The following BLTP3A variants were observed in gnomAD, a reference collection of about 807,000 sequenced individuals.
The protein encoded by BLTP3A is ICBP90 binding protein 1.
At chr6:34,823,381 T>C in the BLTP3A span, 12 of 1,552,832 alleles carry the variant, frequency 7.7e-6, no homozygotes, top group Non-Finnish European at 1.1e-5. Context: ...ATTTCCAACA[T>C]ATTAATTGCT....
the BLTP3A span, chr6:34,859,411 T>G: frequency 6.2e-7 from 1 of 1,614,130 alleles, no homozygotes; most frequent in African/African-American, 1.3e-5. Flanking sequence ...GGGAGAATTG[T>G]CAAGTGCTAT....
At chr6:34,859,681 G>A in the BLTP3A span, 1 of 1,486,010 alleles carries the variant, frequency 6.7e-7, no homozygotes, top group Non-Finnish European at 9.0e-7. Flanking sequence ...GTACCATATA[G>A]TCCAGGAGAA....
the BLTP3A span, among the ~76,000 whole-genome samples, chr6:34,829,027 CAAAAAAAAAAAA>C: frequency 2.2e-3 from 110 of 50,732 alleles, 2 homozygotes; most frequent in African/African-American, 9.7e-3. Context: ...AACTCCATCT[CAAAAAAAAAAAA>C]AAAAAAAAAA....
the BLTP3A span, among the ~76,000 whole-genome samples, chr6:34,817,697 A>G: frequency 1.3e-5 from 2 of 152,150 alleles, no homozygotes; most frequent in African/African-American, 4.8e-5. Flanking sequence ...CATTGCTTTT[A>G]TAGTAAATGG....
the BLTP3A span, among the ~76,000 whole-genome samples, chr6:34,847,265 G>A: frequency 1.3e-5 from 2 of 151,812 alleles, no homozygotes; most frequent in Non-Finnish European, 2.9e-5. Context: ...TTTCATGTAG[G>A]AAGTTTTCTT....
chr6:34,870,984 A>G, the BLTP3A span: 2 of 1,614,038 alleles, frequency 1.2e-6, no homozygotes, highest in Admixed American at 3.3e-5. Context: ...TCCTACATTT[A>G]TTGCTTCATG....
At chr6:34,858,381 C>T in the BLTP3A span, 9 of 1,614,094 alleles carry the variant, frequency 5.6e-6, no homozygotes, top group South Asian at 2.2e-5. Flanking sequence ...TGGATTCCTG[C>T]CTGCCTCAGC....
the BLTP3A span, among the ~76,000 whole-genome samples, chr6:34,792,737 C>G: frequency 9.2e-5 from 14 of 152,328 alleles, no homozygotes; most frequent in African/African-American, 3.1e-4. Context: ...GCCCCTGCCC[C>G]TTCCTTTGGG....
At chr6:34,822,893 G>A in the BLTP3A span, among the ~76,000 whole-genome samples, 1 of 151,764 alleles carries the variant, frequency 6.6e-6, no homozygotes, top group African/African-American at 2.4e-5. Context: ...ACTGTTGGAT[G>A]ATTATCGGTT....
chr6:34,869,200 C>T, the BLTP3A span, among the ~76,000 whole-genome samples: 1 of 152,042 alleles, frequency 6.6e-6, no homozygotes, highest in East Asian at 1.9e-4. Flanking sequence ...TGGGGTTTCA[C>T]CATGTTGACC....
At chr6:34,855,474 A>G in the BLTP3A span, 1 of 847,516 alleles carries the variant, frequency 1.2e-6, no homozygotes, top group Non-Finnish European at 1.8e-6. Context: ...CTTGCAAATC[A>G]CCTCACATCC....
At chr6:34,821,856 G>A in the BLTP3A span, 1 of 1,614,152 alleles carries the variant, frequency 6.2e-7, no homozygotes, top group Admixed American at 1.7e-5. Context: ...TCTTTGGCCA[G>A]TAGGCCTGCT....
At chr6:34,807,114 C>A in the BLTP3A span, among the ~76,000 whole-genome samples, 1 of 152,116 alleles carries the variant, frequency 6.6e-6, no homozygotes, top group African/African-American at 2.4e-5. Flanking sequence ...TAGAGTTTAT[C>A]AATTATTGTC....
the BLTP3A span, among the ~76,000 whole-genome samples, chr6:34,813,334 G>T: frequency 6.6e-6 from 1 of 152,132 alleles, no homozygotes; most frequent in African/African-American, 2.4e-5. Context: ...TGTAGATTTG[G>T]ACTAAACAAT....
At chr6:34,820,524 A>T in the BLTP3A span, among the ~76,000 whole-genome samples, 12 of 151,130 alleles carry the variant, frequency 7.9e-5, no homozygotes, top group East Asian at 2.3e-3. Context: ...GCTTCCCTCC[A>T]CTTTATTCTG....
At chr6:34,799,872 A>G in the BLTP3A span, among the ~76,000 whole-genome samples, 1 of 152,224 alleles carries the variant, frequency 6.6e-6, no homozygotes, top group Non-Finnish European at 1.5e-5. Flanking sequence ...GAGTAGCTCA[A>G]GAGAGACGAC....
the BLTP3A span, among the ~76,000 whole-genome samples, chr6:34,853,874 A>G: frequency 1.3e-5 from 2 of 152,036 alleles, no homozygotes; most frequent in Admixed American, 6.6e-5. Context: ...TTATTTTCTT[A>G]TATCAAGCAA....
chr6:34,827,765 G>A, the BLTP3A span, among the ~76,000 whole-genome samples: 3 of 152,096 alleles, frequency 2.0e-5, no homozygotes, highest in African/African-American at 7.2e-5. Flanking sequence ...CTAAGTAGCT[G>A]GGATTATGGG....
chr6:34,865,063 T>C, the BLTP3A span, among the ~76,000 whole-genome samples: 1 of 152,160 alleles, frequency 6.6e-6, no homozygotes, highest in Non-Finnish European at 1.5e-5. Flanking sequence ...CTATGATATA[T>C]ACACACACAC....
Sources: gnomAD v4.1 joint callset for allele counts (sites outside exome capture counted in the v4.1 genomes callset) on GRCh38, gnomAD v4.1.1 for gene constraint, MANE v1.5 for transcripts, NCBI Gene and HGNC (gene_info 2026-07-23, HGNC 2026-07-21) for gene names.